The following KIAA2012 variants were observed in gnomAD, a reference collection of about 807,000 sequenced individuals.
The protein encoded by KIAA2012 is uncharacterized protein KIAA2012.
KIAA2012 carries 125 observed loss-of-function variants against 150.6 expected under a neutral mutation model. The ratio of observed to expected loss-of-function variants is 0.83; its 90% confidence interval spans 0.72 to 0.96. The LOEUF (loss-of-function observed/expected upper bound fraction) is 0.96, where lower values mean the gene tolerates loss of function less well. Among genes scored for constraint, KIAA2012 ranks in the 40% least tolerant of loss-of-function variants. The pLI, the probability that KIAA2012 is intolerant of heterozygous loss-of-function variation, is 0.00. For synonymous variants in KIAA2012, 462 were observed against 504.7 expected (o/e 0.92, Z 1.13); for missense variants, 1,219 against 1,354.9 (o/e 0.90, Z 1.57).
At chr2:202,086,923 C>T (rs1689586003) in intron 2 of KIAA2012, among the ~76,000 whole-genome samples, 1 of 152,160 alleles carries the variant, frequency 6.6e-6, no homozygotes, top group African/African-American at 2.4e-5. Context: ...CAATCCGTAG[C>T]AGCTTTAAAT....
intron 12 of KIAA2012, 71 bp downstream of exon 12, chr2:202,125,353 TA>T (rs1182040039): frequency 1.8e-5 from 22 of 1,214,838 alleles, no homozygotes; most frequent in Non-Finnish European, 2.5e-5. Flanking sequence ...TTATTTCATA[TA>T]TAGACCTCCA....
At position 202,194,188 on chromosome 2, in the gene KIAA2012, A is replaced by G; in HGVS notation, c.3015-2A>G. 1 of 1,550,242 alleles carries G rather than the reference A, an allele frequency of 6.5e-7. No homozygotes were observed. Among genetic ancestry groups the G allele is most frequent in the Non-Finnish European group, 8.7e-7 (1 of 1,146,836 alleles). ...TTCCCTGACCATCTTGGGTTTTCTCAGCTTGAGGAAACAGAGACTCCAAGA... is the reference window on the plus strand; with the variant it reads ...TTCCCTGACCATCTTGGGTTTTCTCGGCTTGAGGAAACAGAGACTCCAAGA... On this transcript the variant is annotated splice_acceptor_variant, in intron 20 of 23. Coordinates refer to ENST00000498697, the MANE Select transcript of KIAA2012 (RefSeq NM_001277372.4). LOFTEE classifies it high-confidence loss of function.
intron 12 of KIAA2012, among the ~76,000 whole-genome samples, chr2:202,132,505 G>T (rs559731373): frequency 6.6e-6 from 1 of 150,772 alleles, no homozygotes; most frequent in African/African-American, 2.4e-5. Flanking sequence ...CGTCTCTACT[G>T]AAAATACAAA....
intron 15 of KIAA2012, among the ~76,000 whole-genome samples, chr2:202,182,763 G>A (rs1186622409): frequency 6.6e-6 from 1 of 152,110 alleles, no homozygotes; most frequent in Non-Finnish European, 1.5e-5. Flanking sequence ...CTTAGTGGTT[G>A]TACCATTTTA....
rs77592805 is a variant in KIAA2012 at position 202,144,558 on chromosome 2, G to C, written c.1908+6050G>C. Among the ~76,000 whole-genome samples, 3 of 152,110 alleles carry C rather than the reference G, an allele frequency of 2.0e-5. No individual in the cohort carries two copies. In the East Asian group the frequency reaches 5.8e-4, roughly 29 times the overall value. On this transcript the variant is annotated intron_variant, in intron 13 of 23. Coordinates refer to ENST00000498697, the MANE Select transcript of KIAA2012 (RefSeq NM_001277372.4). ...GATAAAACACCTGTAGACACACTAT[G>C]TTTTGTACAAGGGTACAATCGTAAC...
intron 23 of KIAA2012, among the ~76,000 whole-genome samples, chr2:202,203,764 C>A (rs1692578335): frequency 1.3e-5 from 2 of 150,222 alleles, no homozygotes; most frequent in South Asian, 4.2e-4. Flanking sequence ...TTGACTCTAC[C>A]AGGATGTCTT....
chr2:202,157,663 G>T (rs902770067), intron 14 of KIAA2012, among the ~76,000 whole-genome samples: 2 of 152,160 alleles, frequency 1.3e-5, no homozygotes, highest in Non-Finnish European at 2.9e-5. Flanking sequence ...CTAAGGCATT[G>T]AGAGGCTAAG....
chr2:202,179,760 G>T (rs529669005), intron 15 of KIAA2012: 11 of 638,002 alleles, frequency 1.7e-5, no homozygotes, highest in East Asian at 1.6e-4. Context: ...GAGCTTACTT[G>T]GCCTGGAAAG....
chr2:202,141,657 C>T (rs1691199686), intron 13 of KIAA2012, among the ~76,000 whole-genome samples: 2 of 152,258 alleles, frequency 1.3e-5, no homozygotes, highest in Middle Eastern at 3.4e-3. Flanking sequence ...ATTTGGTATT[C>T]TTCAGATTTA....
At chr2:202,074,208 T>G (rs1689270979) in intron 1 of KIAA2012, among the ~76,000 whole-genome samples, 1 of 152,180 alleles carries the variant, frequency 6.6e-6, no homozygotes, top group Non-Finnish European at 1.5e-5. Context: ...TCCCTTGTTA[T>G]ACTAGATTTT....
chr2:202,184,721 G>T, intron 15 of KIAA2012, 32 bp from the exon 16 acceptor site: 1 of 1,438,112 alleles, frequency 7.0e-7, no homozygotes, highest in Non-Finnish European at 9.3e-7. Context: ...ACTGCCTGTT[G>T]TCCTTTATTG....
In KIAA2012 at chr2:202,086,167, C is replaced by CAAAAAAA. The variant is rs56207993; in HGVS notation, c.370-4590_370-4584dup. ...TGGGTGAAAGACCGAAACTCTGTCT[C>CAAAAAAA]AAAAAAAAAAAAAAAAAAAGAAAGA... On this transcript the variant is annotated intron_variant, in intron 2 of 23. Coordinates refer to ENST00000498697, the MANE Select transcript of KIAA2012 (RefSeq NM_001277372.4). 1.4e-3 allele frequency among the ~76,000 whole-genome samples: 128 copies of CAAAAAAA among 89,936 alleles called. 1 individual carries two copies. The highest frequency in any genetic ancestry group is 4.8e-3 in the African/African-American group (108 of 22,640). The allele number at this position is 89,936 out of a possible 152,430, so 59.0% of individuals were successfully genotyped here. A position where few individuals can be genotyped will look rare whatever the true frequency, so the allele number is the denominator to read the frequency against.
intron 2 of KIAA2012, among the ~76,000 whole-genome samples, chr2:202,078,643 C>T (rs1689378431): frequency 6.6e-6 from 1 of 152,060 alleles, no homozygotes; most frequent in Non-Finnish European, 1.5e-5. Flanking sequence ...AATAAAAATA[C>T]CAGTGTTCAT....
intron 8 of KIAA2012, among the ~76,000 whole-genome samples, chr2:202,105,513 C>T (rs755929795): frequency 6.6e-5 from 10 of 152,200 alleles, no homozygotes; most frequent in Non-Finnish European, 1.3e-4. Flanking sequence ...TCTTGCAAAG[C>T]GCAGAAATCA....
chr2:202,108,950 T>C (rs1690272896), intron 9 of KIAA2012, among the ~76,000 whole-genome samples: 1 of 152,226 alleles, frequency 6.6e-6, no homozygotes, highest in Non-Finnish European at 1.5e-5. Flanking sequence ...CTTGGGTTCC[T>C]GGGTTTCCTG....
At position 202,075,145 on chromosome 2, in the gene KIAA2012, A is replaced by C; in HGVS notation, c.339A>C (p.Lys113Asn). 6.5e-7 allele frequency: 1 copy of C among 1,548,730 alleles called. No homozygotes were observed. Among genetic ancestry groups the C allele is most frequent in the Non-Finnish European group, 8.7e-7 (1 of 1,146,612 alleles). The change falls in exon 2 of 24, where the codon AAA becomes AAC. Residue 113 changes from lysine to asparagine, a missense_variant. Coordinates refer to ENST00000498697, the MANE Select transcript of KIAA2012 (RefSeq NM_001277372.4). Reference sequence around the variant, plus strand: ...AACTGCACACACTTCAAGACCTCAAAGAAGCCATCCTGGCATATGGAAGGC... The same window carrying C: ...AACTGCACACACTTCAAGACCTCAACGAAGCCATCCTGGCATATGGAAGGC... ...DLELHTLQDL[K>N]EAILAYGRQQ...
rs71025287 is a variant in KIAA2012, at chr2:202,199,920, A to ATTTTTTTTTTTTTT, written c.3408-2493_3408-2480dup. ...TGCATCTTCCTCCTTGCCCCTCATA[A>ATTTTTTTTTTTTTT]TTTTTTTTTTTTTTTTTTTTTTTTT... is the stretch of plus-strand genomic sequence containing the variant. On this transcript the variant is annotated intron_variant, in intron 22 of 23. Transcript: ENST00000498697. Among the ~76,000 whole-genome samples, 11 of 76,270 alleles carry ATTTTTTTTTTTTTT rather than the reference A, an allele frequency of 1.4e-4. 1 individual carries two copies. The highest frequency in any genetic ancestry group is 2.5e-4 in the Non-Finnish European group (11 of 43,276). 50.0% of individuals were successfully genotyped at this position (76,270 alleles called of 152,430 possible). A position where few individuals can be genotyped will look rare whatever the true frequency, so the allele number is the denominator to read the frequency against.
intron 13 of KIAA2012, among the ~76,000 whole-genome samples, chr2:202,139,234 GAAAAAA>G (rs112360052): frequency 8.6e-6 from 1 of 116,366 alleles, no homozygotes; most frequent in Non-Finnish European, 1.8e-5. Flanking sequence ...CCTGTCTCAG[GAAAAAA>G]AAAAAAAAAA....
At chr2:202,081,197 CTGAG>C (rs1211824427) in intron 2 of KIAA2012, among the ~76,000 whole-genome samples, 1 of 152,194 alleles carries the variant, frequency 6.6e-6, no homozygotes, top group Non-Finnish European at 1.5e-5. Context: ...TTTTGCAAAG[CTGAG>C]TAATAGTCCC....
Sources: gnomAD v4.1 joint callset for allele counts (sites outside exome capture counted in the v4.1 genomes callset) on GRCh38, gnomAD v4.1.1 for gene constraint, MANE v1.5 for transcripts, NCBI Gene and HGNC (gene_info 2026-07-23, HGNC 2026-07-21) for gene names.